The following ULK4 variants were observed in gnomAD, a reference collection of about 807,000 sequenced individuals.
ULK4 encodes the protein inactive serine/threonine-protein kinase ULK4.
In ULK4, 133 loss-of-function variants were observed where a neutral mutation model predicts 160.6. The ratio of observed to expected loss-of-function variants is 0.83; its 90% CI spans 0.72 to 0.96. ULK4 has a LOEUF of 0.96. Among genes scored for constraint, ULK4 ranks in the 40% least tolerant of loss-of-function variants. ULK4 has a pLI of 0.00. For missense variants in ULK4, 1,580 were observed against 1,499.5 expected (o/e 1.05, Z -0.89); for synonymous variants, 534 against 539.8 (o/e 0.99, Z 0.15).
intron 18 of ULK4, among the ~76,000 whole-genome samples, chr3:41,828,815 C>CA (rs1336663529): frequency 6.6e-6 from 1 of 151,980 alleles, no homozygotes; most frequent in Non-Finnish European, 1.5e-5. Context: ...CATATGGAAC[C>CA]AAAAAAGAGC....
chr3:41,557,296 C>G (rs902493290), intron 32 of ULK4, among the ~76,000 whole-genome samples: 4 of 150,956 alleles, frequency 2.6e-5, no homozygotes, highest in Middle Eastern at 3.4e-3. Context: ...TGTAAATAGA[C>G]CAGAGGGGAA....
chr3:41,388,558 G>A (rs902802159), intron 35 of ULK4, among the ~76,000 whole-genome samples: 3 of 152,058 alleles, frequency 2.0e-5, no homozygotes, highest in East Asian at 1.9e-4. Context: ...TGTCTAAGGT[G>A]TAAGGAAGGG....
intron 17 of ULK4, among the ~76,000 whole-genome samples, chr3:41,859,187 T>C (rs186955622): frequency 3.9e-5 from 6 of 152,322 alleles, no homozygotes; most frequent in African/African-American, 1.4e-4. Flanking sequence ...AAACACTTCA[T>C]TGTAGAATAA....
chr3:41,570,308 T>C (rs1014304446), intron 31 of ULK4, among the ~76,000 whole-genome samples: 3 of 152,234 alleles, frequency 2.0e-5, no homozygotes, highest in African/African-American at 7.2e-5. Flanking sequence ...TGAACGTTAA[T>C]GTTTTAATGT....
intron 34 of ULK4, among the ~76,000 whole-genome samples, chr3:41,430,829 T>A (rs1249156539): frequency 2.6e-4 from 40 of 152,182 alleles, no homozygotes; most frequent in Non-Finnish European, 2.9e-5. Flanking sequence ...ATATCCACAT[T>A]ATTAAATATC....
intron 34 of ULK4, among the ~76,000 whole-genome samples, chr3:41,436,749 G>A (rs769269136): frequency 6.6e-6 from 1 of 152,074 alleles, no homozygotes; most frequent in Non-Finnish European, 1.5e-5. Context: ...CAGACTCAAG[G>A]GCTGCTGCTG....
At chr3:41,830,226 A>G (rs1447128461) in intron 18 of ULK4, among the ~76,000 whole-genome samples, 1 of 152,138 alleles carries the variant, frequency 6.6e-6, no homozygotes, top group Non-Finnish European at 1.5e-5. Flanking sequence ...CAGCACACCA[A>G]CATGACACAT....
At chr3:41,714,880 T>G (rs887299888) in intron 25 of ULK4, among the ~76,000 whole-genome samples, 5 of 139,040 alleles carry the variant, frequency 3.6e-5, no homozygotes, top group African/African-American at 6.3e-5. Context: ...TGCACATGAT[T>G]GGACAATATA....
intron 16 of ULK4, among the ~76,000 whole-genome samples, chr3:41,892,839 C>T (rs1380337045): frequency 6.6e-6 from 1 of 152,196 alleles, no homozygotes; most frequent in African/African-American, 2.4e-5. Context: ...ATTCCTCTTC[C>T]TCACCCTTCC....
intron 35 of ULK4, among the ~76,000 whole-genome samples, chr3:41,270,475 T>C (rs1366859029): frequency 6.6e-6 from 1 of 152,216 alleles, no homozygotes; most frequent in Non-Finnish European, 1.5e-5. Flanking sequence ...CCTTTTCCTT[T>C]TCTCTCTATC....
intron 21 of ULK4, among the ~76,000 whole-genome samples, chr3:41,763,733 T>C (rs766421039): frequency 1.2e-4 from 18 of 152,206 alleles, no homozygotes; most frequent in Non-Finnish European, 1.9e-4. Flanking sequence ...GGAGGATTGC[T>C]CCAATAAGAG....
chr3:41,940,015 C>T (rs1699901117), intron 2 of ULK4, among the ~76,000 whole-genome samples: 1 of 151,800 alleles, frequency 6.6e-6, no homozygotes, highest in Non-Finnish European at 1.5e-5. Context: ...GGTACCGGTG[C>T]CATAGTTTTT....
chr3:41,750,986 A>AAGAGAG (rs201841473), intron 22 of ULK4, among the ~76,000 whole-genome samples: 1 of 127,746 alleles, frequency 7.8e-6, no homozygotes, highest in African/African-American at 3.0e-5. Flanking sequence ...GAGAGAGAGA[A>AAGAGAG]AGAGAGAGAG....
intron 31 of ULK4, among the ~76,000 whole-genome samples, chr3:41,586,768 T>C (rs1317099975): frequency 2.6e-5 from 4 of 152,070 alleles, no homozygotes; most frequent in Admixed American, 6.5e-5. Flanking sequence ...GTTTCTTCAA[T>C]ATCAGAAAGA....
intron 29 of ULK4, among the ~76,000 whole-genome samples, chr3:41,670,772 T>C (rs116525120): frequency 6.6e-6 from 1 of 152,152 alleles, no homozygotes; most frequent in Non-Finnish European, 1.5e-5. Flanking sequence ...AAGCCTTAAA[T>C]AGATAAAAGA....
intron 34 of ULK4, among the ~76,000 whole-genome samples, chr3:41,401,271 T>C (rs1449020819): frequency 6.6e-6 from 1 of 152,184 alleles, no homozygotes; most frequent in Non-Finnish European, 1.5e-5. Flanking sequence ...GTTTTATATT[T>C]TACATCTTTA....
At chr3:41,409,369 G>GA (rs1459960783) in intron 34 of ULK4, among the ~76,000 whole-genome samples, 1 of 151,948 alleles carries the variant, frequency 6.6e-6, no homozygotes, top group African/African-American at 2.4e-5. Flanking sequence ...AGCAACAAAA[G>GA]AAAAAATAGA....
At chr3:41,397,242 C>G (rs1575510756) in intron 35 of ULK4, among the ~76,000 whole-genome samples, 6 of 152,168 alleles carry the variant, frequency 3.9e-5, no homozygotes, top group Admixed American at 3.9e-4. Flanking sequence ...AAAGCACTTT[C>G]AAATAGACGT....
At chr3:41,676,861 C>T (rs1180902339) in intron 29 of ULK4, among the ~76,000 whole-genome samples, 1 of 150,674 alleles carries the variant, frequency 6.6e-6, no homozygotes, top group Non-Finnish European at 1.5e-5. Context: ...TCTTCCATAG[C>T]TTTGCTTATC....
Sources: allele counts gnomAD v4.1 joint callset (sites outside exome capture counted in the v4.1 genomes callset), GRCh38; gene constraint gnomAD v4.1.1; transcripts MANE v1.5; gene names NCBI Gene and HGNC (gene_info 2026-07-23, HGNC 2026-07-21).